Variants in SSPN observed in about 807,000 individuals in gnomAD.
SSPN encodes K-ras oncogene-associated protein.
Under a neutral mutation model 19.1 loss-of-function variants are expected in SSPN, and 15 were observed. The observed-to-expected ratio is 0.78, with a 90% CI of 0.52 to 1.21. The LOEUF is 1.21. Among genes scored for constraint, SSPN ranks in the 50% most tolerant of loss-of-function variants. The pLI is 0.00. For synonymous variants in SSPN, 147 were observed against 140.3 expected (o/e 1.05, Z -0.34); for missense variants, 291 against 314.0 (o/e 0.93, Z 0.55).
At chr12:26,139,753 T>C (rs562311991) in intron 1 of SSPN, among the ~76,000 whole-genome samples, 101 of 152,366 alleles carry the variant, frequency 6.6e-4, no homozygotes, top group African/African-American at 2.1e-3. Flanking sequence ...ATCTAGGAAC[T>C]GATGGGCTTT....
chr12:26,134,297 C>T (rs1383112), intron 1 of SSPN, among the ~76,000 whole-genome samples: 94,720 of 151,834 alleles, frequency 0.62, 33,787 homozygotes, highest in East Asian at 0.89. Flanking sequence ...CTTCCTCCTA[C>T]TCAACCTTCG....
At chr12:26,208,997 C>A (rs1944956712) in intron 1 of SSPN, among the ~76,000 whole-genome samples, 1 of 151,622 alleles carries the variant, frequency 6.6e-6, no homozygotes, top group South Asian at 2.1e-4. Context: ...AAGCAGCCCA[C>A]CCCCAACCCA....
intron 1 of SSPN, among the ~76,000 whole-genome samples, chr12:26,222,932 A>G (rs1471194342): frequency 1.3e-5 from 2 of 152,158 alleles, no homozygotes; most frequent in East Asian, 1.9e-4. Context: ...GCCAAGATGT[A>G]TAGATTCAGC....
At chr12:26,217,881 A>G (rs1945072713) in intron 1 of SSPN, among the ~76,000 whole-genome samples, 1 of 152,222 alleles carries the variant, frequency 6.6e-6, no homozygotes, top group South Asian at 2.1e-4. Flanking sequence ...ACTGTAAACT[A>G]GTTCAACCAT....
chr12:26,190,862 G>A (rs978814870), upstream of SSPN, among the ~76,000 whole-genome samples: 15 of 152,268 alleles, frequency 9.9e-5, no homozygotes, highest in Admixed American at 5.9e-4. Flanking sequence ...GATCACCAAA[G>A]ATACAGAAGA....
At chr12:26,214,002 C>T (rs1003200515) in intron 1 of SSPN, among the ~76,000 whole-genome samples, 5 of 152,202 alleles carry the variant, frequency 3.3e-5, no homozygotes, top group South Asian at 2.1e-4. Context: ...CAGAATGAGA[C>T]GATTTCTAAG....
chr12:26,217,063 T>G (rs1945060605), intron 1 of SSPN, among the ~76,000 whole-genome samples: 1 of 150,150 alleles, frequency 6.7e-6, no homozygotes, highest in Non-Finnish European at 1.5e-5. Flanking sequence ...TGCGAGCTCT[T>G]TTTTGGTTCC....
intron 1 of SSPN, chr12:26,122,873 G>T: frequency 6.4e-7 from 1 of 1,558,596 alleles, no homozygotes; most frequent in Non-Finnish European, 8.7e-7. Context: ...CGCAGTAGGC[G>T]AGGGGCTCCA....
chr12:26,184,883 C>G (rs1038193234), intron 1 of SSPN, among the ~76,000 whole-genome samples: 1 of 152,032 alleles, frequency 6.6e-6, no homozygotes, highest in African/African-American at 2.4e-5. Context: ...AGGAAAATAT[C>G]CATGTCCCAT....
intron 1 of SSPN, among the ~76,000 whole-genome samples, chr12:26,143,767 G>C (rs1315359911): frequency 6.6e-6 from 1 of 152,204 alleles, no homozygotes; most frequent in African/African-American, 2.4e-5. Context: ...ACAGCAGGAG[G>C]TGGGCGGTGG....
chr12:26,174,494 T>TCCTTCCTTCCTTCCTTC (rs1944671591), intron 1 of SSPN, among the ~76,000 whole-genome samples: 1 of 119,554 alleles, frequency 8.4e-6, no homozygotes, highest in African/African-American at 4.1e-5. Flanking sequence ...CTTCCTTCCT[T>TCCTTCCTTCCTTCCTTC]CCTTCCTTCC....
At chr12:26,184,994 T>C (rs1014267394) in intron 1 of SSPN, among the ~76,000 whole-genome samples, 5 of 152,226 alleles carry the variant, frequency 3.3e-5, no homozygotes, top group Admixed American at 3.3e-4. Context: ...TTTTCTTCTC[T>C]TGTGATACTT....
intron 1 of SSPN, among the ~76,000 whole-genome samples, chr12:26,198,820 A>G (rs1944853099): frequency 6.6e-6 from 1 of 152,068 alleles, no homozygotes; most frequent in African/African-American, 2.4e-5. Flanking sequence ...CCCCAAGGTC[A>G]TTTTTCCTTT....
chr12:26,133,467 A>G (rs1383111), intron 1 of SSPN, among the ~76,000 whole-genome samples: 149,212 of 152,292 alleles, frequency 0.98, 73,159 homozygotes, highest in East Asian at 1. Context: ...TTTAACAGTT[A>G]GGGTCTAGTA....
At chr12:26,139,006 T>C (rs143459862) in intron 1 of SSPN, among the ~76,000 whole-genome samples, 95 of 152,312 alleles carry the variant, frequency 6.2e-4, no homozygotes, top group African/African-American at 2.2e-3. Context: ...TAGGTTTAGA[T>C]GTAAGCAGTA....
chr12:26,230,563 C>CT, intron 2 of SSPN, 148 bp from the exon 3 acceptor site: 1 of 847,372 alleles, frequency 1.2e-6, no homozygotes, highest in Non-Finnish European at 1.8e-6. Flanking sequence ...ATTTCCATGT[C>CT]TTGGGTGTTG....
At chr12:26,220,527 G>T (rs1317900091) in intron 1 of SSPN, among the ~76,000 whole-genome samples, 3 of 152,164 alleles carry the variant, frequency 2.0e-5, no homozygotes, top group African/African-American at 7.2e-5. Context: ...TCATAACTGG[G>T]TAACTAACTA....
At chr12:26,154,804 C>T (rs1944546166) in intron 1 of SSPN, among the ~76,000 whole-genome samples, 1 of 152,006 alleles carries the variant, frequency 6.6e-6, no homozygotes, top group African/African-American at 2.4e-5. Flanking sequence ...GCAGAGAGGT[C>T]TAGGGCAGAG....
intron 1 of SSPN, among the ~76,000 whole-genome samples, chr12:26,217,582 A>G (rs1321977802): frequency 1.7e-5 from 2 of 118,720 alleles, no homozygotes; most frequent in East Asian, 2.3e-4. Flanking sequence ...TCTCCTGCCT[A>G]ATTGCCCTGG....
Sources: gnomAD v4.1 joint callset for allele counts (sites outside exome capture counted in the v4.1 genomes callset) on GRCh38, gnomAD v4.1.1 for gene constraint, MANE v1.5 for transcripts, NCBI Gene and HGNC (gene_info 2026-07-23, HGNC 2026-07-21) for gene names.